Variants in UNC13B observed in about 807,000 individuals in gnomAD.
The protein encoded by UNC13B is unc-13 homolog B.
In UNC13B, 144 loss-of-function variants were observed where a neutral mutation model predicts 211.0. That is an observed-to-expected ratio of 0.68 (90% CI 0.60 to 0.78). UNC13B has a LOEUF of 0.78. UNC13B is among the 30% of genes least tolerant of loss of function. UNC13B has a pLI of 0.00. For missense variants in UNC13B, 1,777 were observed against 2,002.0 expected, an observed-to-expected ratio of 0.89 and a Z score of 2.14; for synonymous variants, 709 against 725.8, an observed-to-expected ratio of 0.98 and a Z score of 0.37.
intron 11 of UNC13B, among the ~76,000 whole-genome samples, chr9:35,325,450 C>A (rs1830952775): frequency 6.6e-6 from 1 of 152,192 alleles, no homozygotes; most frequent in South Asian, 2.1e-4. Flanking sequence ...TTCTAAGTGA[C>A]ATAGAGACAA....
In UNC13B at chr9:35,308,148, G is replaced by A. The variant is rs1017131841; in HGVS notation, c.8744G>A (p.Cys2915Tyr). 2.5e-6 allele frequency: 1 copy of A among 399,326 alleles called. No individual in the cohort carries two copies. The highest frequency in any genetic ancestry group is 4.4e-6 in the Non-Finnish European group (1 of 226,428). 24.7% of individuals were successfully genotyped at this position (399,326 alleles called of 1,614,324 possible). ...SEQLVASPEV[C>Y]AQGLSGSGEG... The stretch of plus-strand genomic sequence containing the variant: ...CAGCTGGTGGCCAGTCCAGAGGTCT[G>A]TGCTCAGGGGCTTTCAGGGTCTGGA... The change falls in exon 9 of 40, where the codon TGT becomes TAT. Residue 2915 changes from cysteine to tyrosine, a missense_variant. Transcript: ENST00000635942.
intron 6 of UNC13B, among the ~76,000 whole-genome samples, chr9:35,252,133 G>A (rs1047215786): frequency 2.4e-4 from 37 of 152,144 alleles, no homozygotes; most frequent in African/African-American, 8.7e-4. Context: ...AAACTGAAAA[G>A]TGCATCTATT....
intron 1 of UNC13B, among the ~76,000 whole-genome samples, chr9:35,183,607 C>T (rs371141898): frequency 9.6e-5 from 13 of 135,962 alleles, no homozygotes; most frequent in Admixed American, 2.2e-4. Context: ...CGCTCCTCAC[C>T]TCCCAGACGG....
intron 1 of UNC13B, among the ~76,000 whole-genome samples, chr9:35,200,793 T>G (rs1028644376): frequency 2.7e-4 from 41 of 152,346 alleles, no homozygotes; most frequent in African/African-American, 8.9e-4. Flanking sequence ...AGGGACAATT[T>G]GACATCCTCT....
At chr9:35,330,255 AG>A (rs1216839473) in intron 11 of UNC13B, among the ~76,000 whole-genome samples, 1 of 152,240 alleles carries the variant, frequency 6.6e-6, no homozygotes, top group African/African-American at 2.4e-5. Flanking sequence ...CCAGCCTCCT[AG>A]TACTTTCCAG....
At chr9:35,227,206 A>G (rs1824897436) in intron 1 of UNC13B, among the ~76,000 whole-genome samples, 1 of 152,236 alleles carries the variant, frequency 6.6e-6, no homozygotes, top group Admixed American at 6.5e-5. Context: ...TGTGAAAGGT[A>G]CAGAATGACC....
At chr9:35,330,163 C>G (rs553778808) in intron 11 of UNC13B, among the ~76,000 whole-genome samples, 3 of 152,332 alleles carry the variant, frequency 2.0e-5, no homozygotes, top group South Asian at 4.1e-4. Context: ...GACTTGTTCT[C>G]TCTCACAGGA....
intron 11 of UNC13B, chr9:35,360,936 C>T (rs1160713545): frequency 6.6e-6 from 1 of 152,278 alleles, no homozygotes; most frequent in Non-Finnish European, 1.5e-5. Flanking sequence ...GCCTTAGTCT[C>T]CCAAAGTGTT....
At chr9:35,236,343 A>C in intron 3 of UNC13B, 126 bp from the exon 4 acceptor site, 1 of 756,050 alleles carries the variant, frequency 1.3e-6, no homozygotes, top group Admixed American at 2.8e-5. Context: ...GCATTCTGGG[A>C]AATTTTGATT....
chr9:35,352,775 G>C (rs1040533884), intron 11 of UNC13B: 50 of 1,232,076 alleles, frequency 4.1e-5, no homozygotes, highest in Middle Eastern at 3.1e-4. Context: ...AGAGAAAAAG[G>C]CTTCTCTGTC....
chr9:35,232,199 G>T (rs73499306), intron 3 of UNC13B, among the ~76,000 whole-genome samples: 1,951 of 6,540 alleles, frequency 0.3, 75 homozygotes, highest in African/African-American at 0.43. Flanking sequence ...TTTTTTTTTT[G>T]AGGCAGGATC....
intron 6 of UNC13B, among the ~76,000 whole-genome samples, chr9:35,251,829 A>G (rs556939774): frequency 1.3e-5 from 2 of 152,164 alleles, no homozygotes; most frequent in African/African-American, 4.8e-5. Flanking sequence ...TTTGGCTGTC[A>G]TGTCTCTTAA....
At chr9:35,181,040 C>T (rs1012663496) in intron 1 of UNC13B, among the ~76,000 whole-genome samples, 2 of 152,052 alleles carry the variant, frequency 1.3e-5, no homozygotes, top group South Asian at 4.1e-4. Flanking sequence ...GAAGGCTACA[C>T]TGAGGCTTGA....
chr9:35,228,106 A>G (rs1017236994), intron 2 of UNC13B, 62 bp downstream of exon 2: 2 of 1,411,054 alleles, frequency 1.4e-6, no homozygotes, highest in Non-Finnish European at 1.9e-6. Context: ...AAAGCAATTT[A>G]AAAAAATTAT....
rs115487907 is a variant in UNC13B at position 35,255,681 on chromosome 9, C to T, written c.469-3312C>T. Among the ~76,000 whole-genome samples the T allele has an allele frequency of 4.0e-3, 612 of 152,070 alleles. 6 individuals carry two copies. Among genetic ancestry groups the T allele is most frequent in the African/African-American group, 0.014 (581 of 41,500 alleles). Reference sequence around the variant, plus strand: ...GGTTGGGCCAGATGGGTGGTGTCAGCTGATTGATCTAGTGCAGGGTCTGCA... The same window carrying T: ...GGTTGGGCCAGATGGGTGGTGTCAGTTGATTGATCTAGTGCAGGGTCTGCA... On this transcript the variant is annotated intron_variant, in intron 6 of 39. Coordinates refer to ENST00000635942, the MANE Select transcript of UNC13B (RefSeq NM_001371189.2).
intron 11 of UNC13B, among the ~76,000 whole-genome samples, chr9:35,326,014 A>G (rs1469275726): frequency 6.6e-6 from 1 of 152,246 alleles, no homozygotes; most frequent in African/African-American, 2.4e-5. Flanking sequence ...GCTAGGTCAT[A>G]TGGTAACGTT....
chr9:35,222,313 A>G (rs1365201410), intron 1 of UNC13B, among the ~76,000 whole-genome samples: 1 of 152,108 alleles, frequency 6.6e-6, no homozygotes, highest in Non-Finnish European at 1.5e-5. Context: ...TCATTTAGTT[A>G]CTTCTTTGAT....
intron 11 of UNC13B, among the ~76,000 whole-genome samples, chr9:35,348,345 G>A (rs529169449): frequency 4.6e-5 from 7 of 152,340 alleles, no homozygotes; most frequent in East Asian, 3.9e-4. Flanking sequence ...CTTCCTCAGC[G>A]TTCAGGCTGT....
At chr9:35,321,092 AT>A (rs11306997) in intron 11 of UNC13B, among the ~76,000 whole-genome samples, 11,204 of 151,908 alleles carry the variant, frequency 0.074, 603 homozygotes, top group East Asian at 0.29. Context: ...GGATTTAAAC[AT>A]TTTTTTTCTC....
Sources: allele counts gnomAD v4.1 joint callset (sites outside exome capture counted in the v4.1 genomes callset), GRCh38; gene constraint gnomAD v4.1.1; transcripts MANE v1.5; gene names NCBI Gene and HGNC (gene_info 2026-07-23, HGNC 2026-07-21).